PLEKHA5: variants seen among roughly 807,000 people sequenced by gnomAD.
PLEKHA5 encodes the protein pleckstrin homology domain containing A5, also known as pleckstrin homology domain-containing family A member 5.
Under a neutral mutation model 181.9 loss-of-function variants are expected in PLEKHA5, and 55 were observed. The observed-to-expected ratio is 0.30, with a 90% CI of 0.24 to 0.38. The LOEUF (loss-of-function observed/expected upper bound fraction) is 0.38, where lower values mean the gene tolerates loss of function less well. Ranked by LOEUF, PLEKHA5 falls within the 10% of genes least tolerant of loss-of-function variation. The probability of loss-of-function intolerance (pLI) is 1.00; values close to 1 mark genes in which losing one functional copy is unlikely to be tolerated. For synonymous variants in PLEKHA5, 535 were observed against 529.4 expected, an observed-to-expected ratio of 1.01 and a Z score of -0.15; for missense variants, 1,432 against 1,549.5, an observed-to-expected ratio of 0.92 and a Z score of 1.27.
intron 3 of PLEKHA5, among the ~76,000 whole-genome samples, chr12:19,132,739 T>C (rs1435509140): frequency 3.3e-5 from 5 of 151,382 alleles, no homozygotes; most frequent in Non-Finnish European, 7.4e-5. Flanking sequence ...TCTTTTGGAA[T>C]CGTCCAGCTT....
chr12:19,353,297 A>G (rs2153223679), intron 25 of PLEKHA5, among the ~76,000 whole-genome samples: 1 of 151,702 alleles, frequency 6.6e-6, no homozygotes, highest in African/African-American at 2.4e-5. Context: ...GGAATTATAG[A>G]CACCTGACAC....
intron 11 of PLEKHA5, among the ~76,000 whole-genome samples, chr12:19,276,805 A>G (rs565920629): frequency 1.0e-3 from 155 of 152,348 alleles, no homozygotes; most frequent in Non-Finnish European, 1.6e-3. Flanking sequence ...GAGGTAATAC[A>G]TATGTTAATT....
chr12:19,223,517 C>T (rs1492129), intron 3 of PLEKHA5, among the ~76,000 whole-genome samples: 84,033 of 151,898 alleles, frequency 0.55, 27,310 homozygotes, highest in Non-Finnish European at 0.74. Flanking sequence ...ATTTAAATTA[C>T]TCACTTTTTC....
intron 3 of PLEKHA5, among the ~76,000 whole-genome samples, chr12:19,146,582 A>G (rs548387105): frequency 9.8e-5 from 15 of 152,350 alleles, no homozygotes; most frequent in South Asian, 2.1e-4. Context: ...TGTGTCTTAC[A>G]TATTAGTAAA....
intron 3 of PLEKHA5, among the ~76,000 whole-genome samples, chr12:19,220,520 G>A (rs1020980734): frequency 6.6e-6 from 1 of 152,122 alleles, no homozygotes; most frequent in African/African-American, 2.4e-5. Context: ...AAGCCAAATT[G>A]TAGTTAGAAT....
At chr12:19,209,857 A>T (rs2056554582) in intron 3 of PLEKHA5, among the ~76,000 whole-genome samples, 1 of 152,184 alleles carries the variant, frequency 6.6e-6, no homozygotes, top group Admixed American at 6.5e-5. Flanking sequence ...AAAGTTAGTC[A>T]AAGCTTTAGT....
At position 19,301,767 on chromosome 12, in the gene PLEKHA5, C is replaced by G. The variant is rs145436326; in HGVS notation, c.2037+10070C>G. On this transcript the variant is annotated intron_variant, in intron 15 of 31. Coordinates refer to ENST00000429027, the MANE Select transcript of PLEKHA5 (RefSeq NM_001256470.2). ...ATTTATTCAAATTACTTTAAAACTT[C>G]TGAAGTAATCTCAATAACCCCTTCA... Among the ~76,000 whole-genome samples, 217 of 152,298 alleles carry G rather than the reference C, an allele frequency of 1.4e-3. 3 individuals carry two copies. In the East Asian group the frequency reaches 0.026, roughly 18 times the overall value.
intron 3 of PLEKHA5, among the ~76,000 whole-genome samples, chr12:19,173,404 C>G (rs1045363658): frequency 3.9e-5 from 6 of 151,928 alleles, no homozygotes; most frequent in Non-Finnish European, 8.8e-5. Context: ...GCTTTAATTT[C>G]TTTTTATTGC....
chr12:19,369,858 T>C, intron 31 of PLEKHA5, 60 bp downstream of exon 31: 1 of 1,029,378 alleles, frequency 9.7e-7, no homozygotes. Flanking sequence ...ATGACTTATC[T>C]GTTGGTTTAG....
At chr12:19,338,837 T>A (rs1188883449) in intron 21 of PLEKHA5, among the ~76,000 whole-genome samples, 2 of 146,656 alleles carry the variant, frequency 1.4e-5, no homozygotes, top group Non-Finnish European at 3.0e-5. Context: ...TGATCGGAGA[T>A]CACACCATTG....
At chr12:19,320,282 G>A (rs150077075) in intron 17 of PLEKHA5, among the ~76,000 whole-genome samples, 49 of 152,116 alleles carry the variant, frequency 3.2e-4, no homozygotes, top group African/African-American at 1.1e-3. Flanking sequence ...TAAAAGAAAT[G>A]ATGTAAGATA....
chr12:19,318,680 T>G (rs1029391602), intron 16 of PLEKHA5, among the ~76,000 whole-genome samples: 9 of 152,170 alleles, frequency 5.9e-5, no homozygotes, highest in African/African-American at 2.4e-5. Flanking sequence ...CCCAGCACTT[T>G]GGGAGGCCAA....
At chr12:19,208,069 C>A (rs578138693) in intron 3 of PLEKHA5, among the ~76,000 whole-genome samples, 1 of 152,228 alleles carries the variant, frequency 6.6e-6, no homozygotes, top group East Asian at 1.9e-4. Flanking sequence ...CTCTCATACT[C>A]TAAAGAACCT....
At chr12:19,177,427 A>G (rs999389386) in intron 3 of PLEKHA5, among the ~76,000 whole-genome samples, 22 of 152,202 alleles carry the variant, frequency 1.4e-4, no homozygotes, top group African/African-American at 5.3e-4. Flanking sequence ...CATATAAGGA[A>G]GATGATATTT....
chr12:19,363,230 G>A (rs1370542329), intron 29 of PLEKHA5, among the ~76,000 whole-genome samples: 7 of 151,678 alleles, frequency 4.6e-5, no homozygotes, highest in Non-Finnish European at 1.0e-4. Flanking sequence ...TTCCCGGAGG[G>A]AACCTCTGCC....
chr12:19,133,833 A>G (rs1483448787), intron 3 of PLEKHA5, among the ~76,000 whole-genome samples: 4 of 152,030 alleles, frequency 2.6e-5, no homozygotes, highest in Admixed American at 2.6e-4. Context: ...CTTGAGTGAA[A>G]TGCAGTCATC....
At chr12:19,271,376 A>G (rs899504189) in intron 10 of PLEKHA5, among the ~76,000 whole-genome samples, 5 of 151,968 alleles carry the variant, frequency 3.3e-5, no homozygotes, top group African/African-American at 4.8e-5. Flanking sequence ...GTAGTACCAC[A>G]CTCTTGTAGT....
At chr12:19,236,870 G>C (rs1207152918) in intron 3 of PLEKHA5, 1 of 152,204 alleles carries the variant, frequency 6.6e-6, no homozygotes, top group South Asian at 2.1e-4. Flanking sequence ...GACTTCCAGA[G>C]TGGCAGGCCA....
Position 19,221,195 on chromosome 12 carries a change from A to G in PLEKHA5, c.228-32745A>G, listed in dbSNP as rs1230382942. 4.6e-5 allele frequency among the ~76,000 whole-genome samples: 7 copies of G among 152,308 alleles called. No homozygotes were observed. In the South Asian group the frequency reaches 1.0e-3, roughly 23 times the overall value. Reference sequence around the variant, plus strand: ...TGTCCACACAAAAACCAGCACTTGAATGTCTATAGCAGCTTTATTCATAGT... The same window carrying G: ...TGTCCACACAAAAACCAGCACTTGAGTGTCTATAGCAGCTTTATTCATAGT... On this transcript the variant is annotated intron_variant, in intron 3 of 31. Transcript: ENST00000429027.
Sources: gnomAD v4.1 joint callset for allele counts (sites outside exome capture counted in the v4.1 genomes callset) on GRCh38, gnomAD v4.1.1 for gene constraint, MANE v1.5 for transcripts, NCBI Gene and HGNC (gene_info 2026-07-23, HGNC 2026-07-21) for gene names.